Variants in UGT2B7 observed in about 807,000 individuals in gnomAD.
UGT2B7 encodes UDP-glucuronosyltransferase 2B7.
UGT2B7 carries 51 observed loss-of-function variants against 51.9 expected under a neutral mutation model. The observed-to-expected ratio is 0.98, with a 90% CI of 0.78 to 1.24. UGT2B7 has a LOEUF of 1.24. UGT2B7 is among the 50% of genes most tolerant of loss of function. The pLI, the probability that UGT2B7 is intolerant of heterozygous loss-of-function variation, is 0.00. For synonymous variants in UGT2B7, 225 were observed against 211.6 expected (o/e 1.06, Z -0.55); for missense variants, 727 against 628.4 (o/e 1.16, Z -1.68).
rs1398352870 is a variant in UGT2B7 at position 69,096,580 on chromosome 4, T to C, written c.60T>C (p.Ser20=). The change falls in exon 1 of 6, where the codon TCT becomes TCC. Residue 20 remains serine, a synonymous_variant. Coordinates refer to ENST00000305231, the MANE Select transcript of UGT2B7 (RefSeq NM_001074.4). The part of the protein sequence containing the change: ...LLIQLSFCFS[S]GNCGKVLVWA... ...TACAACTGAGCTTTTGCTTTAGCTC[T>C]GGGAATTGTGGAAAGGTGCTGGTGT... 4 of 1,613,972 alleles carry C rather than the reference T, an allele frequency of 2.5e-6. No homozygotes were observed. The highest frequency in any genetic ancestry group is 3.4e-6 in the Non-Finnish European group (4 of 1,179,888).
At chr4:69,064,112 A>AAGAGAGAGAAAGAAAG (rs754723956) in intron 1 of UGT2B7, among the ~76,000 whole-genome samples, 2 of 86,802 alleles carry the variant, frequency 2.3e-5, no homozygotes, top group Admixed American at 1.1e-4. Context: ...GAAAGAAAGA[A>AAGAGAGAGAAAGAAAG]AAAGAAAGAA....
intron 1 of UGT2B7, among the ~76,000 whole-genome samples, chr4:69,078,006 C>T (rs951006543): frequency 2.0e-5 from 3 of 152,090 alleles, no homozygotes; most frequent in African/African-American, 7.2e-5. Flanking sequence ...TGAATTTTGT[C>T]AATGGCCCTT....
At chr4:69,084,174 A>G (rs879941153) in intron 1 of UGT2B7, among the ~76,000 whole-genome samples, 1 of 152,092 alleles carries the variant, frequency 6.6e-6, no homozygotes, top group Non-Finnish European at 1.5e-5. Context: ...AATATATCAC[A>G]TTTATTGTTT....
At chr4:69,064,100 A>G (rs375157621) in intron 1 of UGT2B7, among the ~76,000 whole-genome samples, 10,299 of 102,488 alleles carry the variant, frequency 0.1, 775 homozygotes, top group East Asian at 0.16. Flanking sequence ...AAGAAAGAGA[A>G]AGAAAGAAAG....
chr4:69,064,067 A>C (rs1718422453), intron 1 of UGT2B7, among the ~76,000 whole-genome samples: 1 of 109,212 alleles, frequency 9.2e-6, no homozygotes, highest in African/African-American at 5.1e-5. Flanking sequence ...AAAGAAAGAA[A>C]GAAAGAAAGA....
At chr4:69,101,656 A>T (rs1397035886) in intron 2 of UGT2B7, among the ~76,000 whole-genome samples, 3 of 147,212 alleles carry the variant, frequency 2.0e-5, no homozygotes, top group African/African-American at 7.6e-5. Context: ...TTAAAAAAAC[A>T]CTCTGTAATA....
chr4:69,098,596 A>G lies in UGT2B7; in HGVS notation c.778A>G (p.Asn260Asp), dbSNP rs766088990. 1 of 1,612,550 alleles carries G rather than the reference A, an allele frequency of 6.2e-7. No individual in the cohort carries two copies. The change falls in exon 2 of 6, where the codon AAC (asparagine) becomes GAC (aspartate). Residue 260 changes from asparagine to aspartate, a missense_variant. Transcript: ENST00000305231. ...GAAAGCTGACGTATGGCTTATTCGA[A>G]ACTCCTGGAATTTTCAGTTTCCATA... is the stretch of plus-strand genomic sequence containing the variant. ...MGKADVWLIR[N>D]SWNFQFPYPL...
intron 1 of UGT2B7, among the ~76,000 whole-genome samples, chr4:69,052,338 A>AG (rs1277658256): frequency 1.3e-5 from 2 of 152,042 alleles, no homozygotes; most frequent in Non-Finnish European, 2.9e-5. Context: ...ACCAGCAGAG[A>AG]GAAAAAAAAG....
intron 3 of UGT2B7, among the ~76,000 whole-genome samples, chr4:69,106,518 T>A (rs1372215555): frequency 6.6e-6 from 1 of 152,202 alleles, no homozygotes; most frequent in African/African-American, 2.4e-5. Context: ...GCATTTAGGT[T>A]GATTCCATGT....
intron 1 of UGT2B7, among the ~76,000 whole-genome samples, chr4:69,074,608 G>A (rs763960425): frequency 5.9e-5 from 9 of 151,720 alleles, no homozygotes; most frequent in Non-Finnish European, 1.0e-4. Flanking sequence ...TCTAATGTAA[G>A]AGAATCCCTT....
intron 1 of UGT2B7, among the ~76,000 whole-genome samples, chr4:69,052,339 G>GA (rs758115472): frequency 3.6e-4 from 54 of 150,848 alleles, no homozygotes; most frequent in African/African-American, 7.0e-4. Context: ...CCAGCAGAGA[G>GA]AAAAAAAAGG....
At position 69,112,639 on chromosome 4, in the gene UGT2B7, TG is replaced by T. The variant is rs1186053994; in HGVS notation, c.1495del (p.Val499SerfsTer6). The T allele has an allele frequency of 6.2e-7, 1 of 1,613,972 alleles. No individual in the cohort carries two copies. The highest frequency in any genetic ancestry group is 8.5e-7 in the Non-Finnish European group (1 of 1,179,886). On this transcript the variant is annotated frameshift_variant, in exon 6 of 6. Transcript: ENST00000305231. LOFTEE classifies it high-confidence loss of function. Reference sequence around the variant, plus strand: ...TCTTTGGATGTGATTGGGTTCCTGCTGGTCTGTGTGGCAACTGTGATATTTA... The same window carrying T: ...TCTTTGGATGTGATTGGGTTCCTGCTGTCTGTGTGGCAACTGTGATATTTA... ...YHSLDVIGFL[L>X]VCVATVIFIV...
chr4:69,102,788 G>T lies in UGT2B7; in HGVS notation c.871-19G>T, dbSNP rs1395641165. The T allele has an allele frequency of 6.2e-7, 1 of 1,609,776 alleles. No individual in the cohort carries two copies. The highest frequency in any genetic ancestry group is 1.1e-5 in the South Asian group (1 of 90,700). ...TGTGCTAATACTCTTTTGTGATGAA[G>T]CAAATTCTTTCTTCACAGGAAATGG... On this transcript the variant is annotated intron_variant, in intron 2 of 5. Coordinates refer to ENST00000305231, the MANE Select transcript of UGT2B7 (RefSeq NM_001074.4).
At chr4:69,090,284 A>C (rs915788699) in intron 2 of UGT2B7, among the ~76,000 whole-genome samples, 1 of 152,146 alleles carries the variant, frequency 6.6e-6, no homozygotes. Context: ...AAAAGCATGT[A>C]TGCTAATTAG....
chr4:69,079,031 G>C (rs1419998077), intron 1 of UGT2B7, among the ~76,000 whole-genome samples: 2 of 152,152 alleles, frequency 1.3e-5, no homozygotes, highest in Non-Finnish European at 2.9e-5. Flanking sequence ...ACAGGTTCAG[G>C]TGGAGCATGC....
intron 2 of UGT2B7, 140 bp from the exon 3 acceptor site, chr4:69,102,667 G>A (rs1399692495): frequency 7.7e-7 from 1 of 1,305,368 alleles, no homozygotes; most frequent in Non-Finnish European, 1.0e-6. Flanking sequence ...CTGAGTGATT[G>A]GGTCAGTTAA....
At chr4:69,070,102 C>T (rs1718568126) in intron 1 of UGT2B7, among the ~76,000 whole-genome samples, 1 of 151,328 alleles carries the variant, frequency 6.6e-6, no homozygotes, top group African/African-American at 2.4e-5. Context: ...TAATGCTTAT[C>T]TACGTATATT....
intron 1 of UGT2B7, among the ~76,000 whole-genome samples, chr4:69,059,025 G>A (rs1718280145): frequency 1.3e-5 from 2 of 152,218 alleles, no homozygotes; most frequent in African/African-American, 4.8e-5. Context: ...CGTACAGGAA[G>A]GCCACCAGCC....
At chr4:69,068,970 A>T (rs189174000) in intron 1 of UGT2B7, among the ~76,000 whole-genome samples, 2 of 152,164 alleles carry the variant, frequency 1.3e-5, no homozygotes, top group East Asian at 3.9e-4. Flanking sequence ...TTTACTGACA[A>T]TCACTTTATG....
Sources: gnomAD v4.1 joint callset for allele counts (sites outside exome capture counted in the v4.1 genomes callset) on GRCh38, gnomAD v4.1.1 for gene constraint, MANE v1.5 for transcripts, NCBI Gene and HGNC (gene_info 2026-07-23, HGNC 2026-07-21) for gene names.